IL36B: variants seen among roughly 807,000 people sequenced by gnomAD.
The protein encoded by IL36B is interleukin 36 beta, also known as interleukin-36 beta.
Under a neutral mutation model 19.3 loss-of-function variants are expected in IL36B, and 23 were observed. The ratio of observed to expected loss-of-function variants is 1.19; its 90% CI spans 0.86 to 1.69. IL36B has a LOEUF of 1.69. IL36B is among the 40% of genes most tolerant of loss of function. The probability of loss-of-function intolerance (pLI) is 0.00; values close to 1 mark genes in which losing one functional copy is unlikely to be tolerated. For missense variants in IL36B, 217 were observed against 200.5 expected, an observed-to-expected ratio of 1.08 and a Z score of -0.50; for synonymous variants, 59 against 59.7, an observed-to-expected ratio of 0.99 and a Z score of 0.05.
rs774227472 is a variant in IL36B, at chr2:113,027,890, G to T, written c.261+1049C>A. On this transcript the variant is annotated intron_variant, in intron 4 of 5. Coordinates refer to ENST00000259213, the MANE Select transcript of IL36B (RefSeq NM_014438.5). ...TCTATCCTGGAACCAGCCACCCACA[G>T]CCTAGGCTGGATTTATTCCACAGAA... 15 of 1,613,590 alleles carry T rather than the reference G, an allele frequency of 9.3e-6. No individual in the cohort carries two copies. The African/African-American group carries it at 1.3e-4, about 14-fold the overall frequency.
intron 1 of IL36B, among the ~76,000 whole-genome samples, chr2:113,032,129 G>A (rs1573368803): frequency 8.4e-6 from 1 of 119,328 alleles, no homozygotes; most frequent in African/African-American, 3.5e-5. Flanking sequence ...GTGCGTGTGT[G>A]TGTCTGTGTG....
chr2:113,044,185 A>C (rs1685306592), intron 1 of IL36B, among the ~76,000 whole-genome samples: 1 of 151,926 alleles, frequency 6.6e-6, no homozygotes, highest in South Asian at 2.1e-4. Flanking sequence ...TGTACTGTTA[A>C]TCATTGTGAA....
chr2:113,029,961 G>C (rs574708266), intron 3 of IL36B, among the ~76,000 whole-genome samples: 1 of 152,278 alleles, frequency 6.6e-6, no homozygotes, highest in African/African-American at 2.4e-5. Context: ...GGCCAGGTGC[G>C]GTGGCTCACG....
intron 1 of IL36B, among the ~76,000 whole-genome samples, chr2:113,048,788 T>C (rs1383064481): frequency 6.6e-6 from 1 of 152,030 alleles, no homozygotes; most frequent in Non-Finnish European, 1.5e-5. Flanking sequence ...TACACATACT[T>C]TAGAAGGGTA....
rs35944545 is a variant in IL36B at position 113,047,006 on chromosome 2, CTT to C, written c.-58+5809_-58+5810del. Among the ~76,000 whole-genome samples, 310 of 152,172 alleles carry C rather than the reference CTT, an allele frequency of 2.0e-3. 3 individuals are homozygous for C. Among genetic ancestry groups the C allele is most frequent in the African/African-American group, 7.0e-3 (291 of 41,518 alleles). On this transcript the variant is annotated intron_variant, in intron 1 of 5. Transcript: ENST00000259213. Reference sequence around the variant, plus strand: ...TATTTTGCATGGGAGATTAGTCTGTCTTATTTATTTATTTAGTCAGCTGGTGC... The same window carrying C: ...TATTTTGCATGGGAGATTAGTCTGTCATTTATTTATTTAGTCAGCTGGTGC...
At chr2:113,033,346 C>T (rs1357357121) in intron 1 of IL36B, among the ~76,000 whole-genome samples, 1 of 152,204 alleles carries the variant, frequency 6.6e-6, no homozygotes, top group Non-Finnish European at 1.5e-5. Context: ...ATTCTCCTGC[C>T]TCAGCCTCCC....
chr2:113,051,107 G>A (rs977268340), intron 1 of IL36B, among the ~76,000 whole-genome samples: 2 of 152,152 alleles, frequency 1.3e-5, no homozygotes, highest in African/African-American at 2.4e-5. Flanking sequence ...GGTGGAGAGC[G>A]CCCCCTGCCG....
At chr2:113,043,311 A>G (rs1685293423) in intron 1 of IL36B, among the ~76,000 whole-genome samples, 1 of 152,222 alleles carries the variant, frequency 6.6e-6, no homozygotes, top group Non-Finnish European at 1.5e-5. Context: ...AATTTAAAAA[A>G]TCATACGTAC....
intron 1 of IL36B, among the ~76,000 whole-genome samples, chr2:113,047,841 G>A (rs1474174380): frequency 1.3e-5 from 2 of 151,492 alleles, no homozygotes; most frequent in Middle Eastern, 3.2e-3. Flanking sequence ...TGGAAGCCCT[G>A]GACTAACCAA....
At chr2:113,042,011 A>G (rs1043530824) in intron 1 of IL36B, among the ~76,000 whole-genome samples, 1 of 152,212 alleles carries the variant, frequency 6.6e-6, no homozygotes, top group Admixed American at 6.5e-5. Flanking sequence ...CAGTAGTGAC[A>G]AAGGACATCT....
At chr2:113,039,769 T>A (rs1685223296) in intron 1 of IL36B, among the ~76,000 whole-genome samples, 1 of 152,238 alleles carries the variant, frequency 6.6e-6, no homozygotes, top group Admixed American at 6.5e-5. Flanking sequence ...GAGACCTTCT[T>A]AAAACAGAAA....
intron 2 of IL36B, 54 bp from the exon 3 acceptor site, chr2:113,031,209 T>C: frequency 8.7e-7 from 1 of 1,147,104 alleles, no homozygotes; most frequent in Non-Finnish European, 1.3e-6. Flanking sequence ...ACTTCAGGAC[T>C]CCAGTTGCAT....
At chr2:113,046,200 GGTTTTTTCTTTTTT>G (rs1685345000) in intron 1 of IL36B, among the ~76,000 whole-genome samples, 1 of 86,072 alleles carries the variant, frequency 1.2e-5, no homozygotes, top group African/African-American at 4.4e-5. Context: ...GGTTTCTTCA[GGTTTTTTCTTTTTT>G]TTTTTTTTTT....
At chr2:113,039,596 C>A (rs867595568) in intron 1 of IL36B, among the ~76,000 whole-genome samples, 1 of 152,024 alleles carries the variant, frequency 6.6e-6, no homozygotes, top group African/African-American at 2.4e-5. Flanking sequence ...ACAAACAAAA[C>A]CACCTTACTC....
intron 1 of IL36B, among the ~76,000 whole-genome samples, chr2:113,052,009 C>T (rs930397566): frequency 6.6e-6 from 1 of 151,274 alleles, no homozygotes; most frequent in Non-Finnish European, 1.5e-5. Flanking sequence ...AGTGCAGTGA[C>T]ATGATCTCAG....
chr2:113,033,080 A>T (rs1685108333), intron 1 of IL36B, among the ~76,000 whole-genome samples: 2 of 152,220 alleles, frequency 1.3e-5, no homozygotes, highest in African/African-American at 4.8e-5. Flanking sequence ...CTGTGTTTGC[A>T]TCTGATGTTA....
rs36047768 is a variant in IL36B, at chr2:113,052,211, A to G, written c.-58+606T>C. Reference sequence around the variant, plus strand: ...GTGTTCTGCCCGCCTCTACCTCCCAAGGTACTGGGATTACAGGTGCGAGCC... The same window carrying G: ...GTGTTCTGCCCGCCTCTACCTCCCAGGGTACTGGGATTACAGGTGCGAGCC... On this transcript the variant is annotated intron_variant, in intron 1 of 5. Coordinates refer to ENST00000259213, the MANE Select transcript of IL36B (RefSeq NM_014438.5). 2.3e-3 allele frequency among the ~76,000 whole-genome samples: 345 copies of G among 151,976 alleles called. 1 individual carries two copies. The highest frequency in any genetic ancestry group is 6.8e-3 in the Middle Eastern group (2 of 294).
intron 1 of IL36B, among the ~76,000 whole-genome samples, chr2:113,034,768 A>T (rs1364583127): frequency 6.6e-6 from 1 of 152,210 alleles, no homozygotes; most frequent in Non-Finnish European, 1.5e-5. Context: ...GGGCCAGGGG[A>T]TGCTCTCCTA....
chr2:113,043,645 C>T (rs1685298626), intron 1 of IL36B, among the ~76,000 whole-genome samples: 1 of 152,082 alleles, frequency 6.6e-6, no homozygotes. Flanking sequence ...TCTGCAACCT[C>T]CGCTCCCCAG....
Sources: gnomAD v4.1 joint callset for allele counts (sites outside exome capture counted in the v4.1 genomes callset) on GRCh38, gnomAD v4.1.1 for gene constraint, MANE v1.5 for transcripts, NCBI Gene and HGNC (gene_info 2026-07-23, HGNC 2026-07-21) for gene names.